PSEN2: variants seen among roughly 807,000 people sequenced by gnomAD.
PSEN2 encodes the protein presenilin 2.
PSEN2 carries 32 observed loss-of-function variants against 49.1 expected under a neutral mutation model. The ratio of observed to expected loss-of-function variants is 0.65; its 90% CI spans 0.49 to 0.88. The LOEUF (loss-of-function observed/expected upper bound fraction) is 0.88, where lower values mean the gene tolerates loss of function less well. Among genes scored for constraint, PSEN2 ranks in the 40% least tolerant of loss-of-function variants. The pLI is 0.00. For missense variants in PSEN2, 522 were observed against 586.9 expected (o/e 0.89, Z 1.14); for synonymous variants, 255 against 244.0 (o/e 1.05, Z -0.42).
intron 6 of PSEN2, 85 bp downstream of exon 6, chr1:226,885,764 T>C: frequency 6.5e-7 from 1 of 1,549,032 alleles, no homozygotes; most frequent in Non-Finnish European, 8.8e-7. Context: ...CAGCCGCCTT[T>C]AGAAAAACAC....
At chr1:226,891,675 G>A in intron 10 of PSEN2, 68 bp from the exon 11 acceptor site, 4 of 1,379,298 alleles carry the variant, frequency 2.9e-6, no homozygotes, top group Non-Finnish European at 4.1e-6. Context: ...CTGACCAGCT[G>A]TTGTTTCTCT....
chr1:226,874,364 T>C (rs1660492719), intron 2 of PSEN2, among the ~76,000 whole-genome samples: 1 of 152,236 alleles, frequency 6.6e-6, no homozygotes. Context: ...CTTTTGCCCC[T>C]CTAGGCTTCA....
At chr1:226,888,239 G>C in intron 7 of PSEN2, 81 bp downstream of exon 7, 1 of 1,288,524 alleles carries the variant, frequency 7.8e-7, no homozygotes, top group Admixed American at 1.7e-5. Flanking sequence ...GGACCTGGGC[G>C]GGGAAAGATG....
At chr1:226,875,778 A>G (rs990695795) in intron 3 of PSEN2, among the ~76,000 whole-genome samples, 9 of 152,240 alleles carry the variant, frequency 5.9e-5, no homozygotes, top group Non-Finnish European at 8.8e-5. Flanking sequence ...GGAACTGCTG[A>G]CACAAGCACG....
In PSEN2 at chr1:226,881,799, C is replaced by T. The variant is rs1281600326; in HGVS notation, c.-20-89C>T. 1.6e-5 allele frequency: 24 copies of T among 1,460,556 alleles called. No homozygotes were observed. In the Admixed American group the frequency reaches 3.0e-4, roughly 18 times the overall value. The allele number at this position is 1,460,556 out of a possible 1,614,324, so 90.5% of individuals were successfully genotyped here. On this transcript the variant is annotated intron_variant, in intron 3 of 12. Transcript: ENST00000366783. The stretch of plus-strand genomic sequence containing the variant: ...TTTGGGGCAGGACTTGTGTCCAAGT[C>T]TCCAGGTCGCCTCCAGCCACCCCCT...
chr1:226,895,427 TTG>T lies in PSEN2; in HGVS notation c.1199_1200del (p.Cys400SerfsTer74). The T allele has an allele frequency of 6.2e-7, 1 of 1,614,028 alleles. No individual in the cohort carries two copies. The highest frequency in any genetic ancestry group is 8.5e-7 in the Non-Finnish European group (1 of 1,179,990). ...LACFVAILIG[L>X]CLTLLLLAVF... ...CCCTCCCCTCCATGTCCTGCAGGGC[TTG>T]TGTCTGACCCTCCTGCTGCTTGCTG... On this transcript the variant is annotated frameshift_variant, in exon 13 of 13. Coordinates refer to ENST00000366783, the MANE Select transcript of PSEN2 (RefSeq NM_000447.3). LOFTEE classifies it high-confidence loss of function.
At chr1:226,880,616 G>C in intron 3 of PSEN2, 1 of 1,607,412 alleles carries the variant, frequency 6.2e-7, no homozygotes, top group Non-Finnish European at 8.5e-7. Flanking sequence ...CCTCTGGACA[G>C]CGATAACTCA....
At position 226,875,480 on chromosome 1, in the gene PSEN2, C is replaced by G. The variant is rs1254561120; in HGVS notation, c.-91C>G. On this transcript the variant is annotated 5_prime_UTR_variant, in exon 3 of 13. Coordinates refer to ENST00000366783, the MANE Select transcript of PSEN2 (RefSeq NM_000447.3). ...TCTTTGAAAGCCAGGGAGCATCATTCATTTAGCCTGCTGAGAAGAAGAAAC... is the reference window on the plus strand; with the variant it reads ...TCTTTGAAAGCCAGGGAGCATCATTGATTTAGCCTGCTGAGAAGAAGAAAC... The G allele has an allele frequency of 6.6e-6, 1 of 152,230 alleles. No individual in the cohort carries two copies. The highest frequency in any genetic ancestry group is 1.5e-5 in the Non-Finnish European group (1 of 68,054). 9.4% of individuals were successfully genotyped at this position (152,230 alleles called of 1,614,324 possible). A position where few individuals can be genotyped will look rare whatever the true frequency, so the allele number is the denominator to read the frequency against.
intron 3 of PSEN2, chr1:226,880,758 G>A (rs766724245): frequency 6.2e-7 from 1 of 1,612,440 alleles, no homozygotes; most frequent in East Asian, 2.2e-5. Context: ...ACTACTGTGT[G>A]AAACCCCACT....
At chr1:226,892,459 G>A (rs764466251) in intron 11 of PSEN2, among the ~76,000 whole-genome samples, 11 of 152,172 alleles carry the variant, frequency 7.2e-5, no homozygotes, top group Admixed American at 2.0e-4. Context: ...CACGGTGCCT[G>A]CCTAACACCC....
downstream of PSEN2, among the ~76,000 whole-genome samples, chr1:226,897,280 T>TCAAA (rs1303280705): frequency 6.6e-6 from 1 of 152,226 alleles, no homozygotes; most frequent in African/African-American, 2.4e-5. Flanking sequence ...GGGTGGGGTT[T>TCAAA]CCAAAGATGG....
At chr1:226,881,158 C>T (rs1315801920) in intron 3 of PSEN2, among the ~76,000 whole-genome samples, 10 of 152,198 alleles carry the variant, frequency 6.6e-5, no homozygotes, top group African/African-American at 2.4e-4. Flanking sequence ...CCACAGTTGT[C>T]TCTGGGGGTC....
At chr1:226,872,626 AGT>A (rs902607904) in intron 2 of PSEN2, among the ~76,000 whole-genome samples, 4 of 152,222 alleles carry the variant, frequency 2.6e-5, no homozygotes, top group African/African-American at 9.6e-5. Context: ...AAACCAAAGC[AGT>A]GTGTGTAGGT....
chr1:226,880,818 C>T lies in PSEN2; in HGVS notation c.-20-1070C>T, dbSNP rs980680616. 42 of 1,584,174 alleles carry T rather than the reference C, an allele frequency of 2.7e-5. 1 individual carries two copies. The Middle Eastern group carries it at 5.1e-4, about 19-fold the overall frequency. On this transcript the variant is annotated intron_variant, in intron 3 of 12. Transcript: ENST00000366783. ...TCCCTCCTGTCCCCTTGGCCTTGGC[C>T]TTCCCCTGGGTCCCGCCCTCAGTGG... is the stretch of plus-strand genomic sequence containing the variant.
chr1:226,883,254 A>G (rs533450453), intron 4 of PSEN2, among the ~76,000 whole-genome samples: 1 of 152,270 alleles, frequency 6.6e-6, no homozygotes, highest in African/African-American at 2.4e-5. Flanking sequence ...AATTCCCAGT[A>G]TCTTAGTCAC....
Position 226,890,019 on chromosome 1 carries a change from G to T in PSEN2, c.788-16G>T, listed in dbSNP as rs1264129456. 6.2e-7 allele frequency: 1 copy of T among 1,601,704 alleles called. No individual in the cohort carries two copies. Among genetic ancestry groups the T allele is most frequent in the African/African-American group, 1.3e-5 (1 of 74,632 alleles). ...TGCCCGGGGATAGTTTGACAAGGATGTCTCTGTCTTCCTAGATCTCGTGGC... is the reference window on the plus strand; with the variant it reads ...TGCCCGGGGATAGTTTGACAAGGATTTCTCTGTCTTCCTAGATCTCGTGGC... On this transcript the variant is annotated splice_polypyrimidine_tract_variant and intron_variant, in intron 8 of 12. Transcript: ENST00000366783.
At chr1:226,877,918 G>A (rs1660735993) in intron 3 of PSEN2, among the ~76,000 whole-genome samples, 1 of 152,168 alleles carries the variant, frequency 6.6e-6, no homozygotes, top group Non-Finnish European at 1.5e-5. Flanking sequence ...GACGACAGTG[G>A]TCACCAGGTC....
At chr1:226,902,315 C>T (rs531885137) in intron 12 of PSEN2, among the ~76,000 whole-genome samples, 1 of 152,276 alleles carries the variant, frequency 6.6e-6, no homozygotes, top group African/African-American at 2.4e-5. Context: ...ACCTGCTGTG[C>T]AGCCTGGTTC....
Position 226,895,823 on chromosome 1 carries a change from G to C in PSEN2, c.*244G>C, listed in dbSNP as rs1662113981. On this transcript the variant is annotated 3_prime_UTR_variant, in exon 13 of 13. Transcript: ENST00000366783. The stretch of plus-strand genomic sequence containing the variant: ...ACAGGAAGCACAGCAGGTTTATCCA[G>C]ATGAACTGAGAAGGTCAGATTAGGG... The C allele has an allele frequency of 3.5e-6, 2 of 565,136 alleles. No homozygotes were observed. Among genetic ancestry groups the C allele is most frequent in the Non-Finnish European group, 6.3e-6 (2 of 316,640 alleles). 35.0% of individuals were successfully genotyped at this position (565,136 alleles called of 1,614,324 possible). A position where few individuals can be genotyped will look rare whatever the true frequency, so the allele number is the denominator to read the frequency against.
Sources: gnomAD v4.1 joint callset for allele counts (sites outside exome capture counted in the v4.1 genomes callset) on GRCh38, gnomAD v4.1.1 for gene constraint, MANE v1.5 for transcripts, NCBI Gene and HGNC (gene_info 2026-07-23, HGNC 2026-07-21) for gene names.